HLTF: variants seen among roughly 807,000 people sequenced by gnomAD.
HLTF encodes helicase like transcription factor.
A neutral mutation model predicts 129.4 loss-of-function variants in HLTF; 127 were observed. The observed-to-expected ratio is 0.98, with a 90% CI of 0.85 to 1.14. HLTF has a LOEUF of 1.14. Ranked by LOEUF, HLTF falls within the 50% of genes most tolerant of loss-of-function variation. HLTF has a pLI of 0.00. For missense variants in HLTF, 1,139 were observed against 1,187.1 expected (o/e 0.96, Z 0.60); for synonymous variants, 332 against 388.8 (o/e 0.85, Z 1.72).
At chr3:149,037,275 C>G (rs1278694562) in intron 23 of HLTF, among the ~76,000 whole-genome samples, 4 of 151,892 alleles carry the variant, frequency 2.6e-5, no homozygotes, top group Non-Finnish European at 5.9e-5. Flanking sequence ...TCAAGACCAG[C>G]CTGGCCAACA....
chr3:149,059,607 T>C, intron 13 of HLTF, 111 bp downstream of exon 13: 1 of 648,574 alleles, frequency 1.5e-6, no homozygotes, highest in Non-Finnish European at 2.7e-6. Context: ...TAAAAAATAG[T>C]CTCTATTTTC....
In HLTF at chr3:149,055,347, T is replaced by C. The variant is rs774330706; in HGVS notation, c.1429A>G (p.Thr477Ala). 5 of 1,613,920 alleles carry C rather than the reference T, an allele frequency of 3.1e-6. No individual in the cohort carries two copies. The African/African-American group carries it at 4.0e-5, about 13-fold the overall frequency. ...GAAAGCGGACAGATGATCAGTGTTG[T>C]TCTTGGTCTCTCCTCAACATCAGTT... ...KKTDVEERPR[T>A]TLIICPLSVL... Residue 477 changes from threonine (T) to alanine (A), a missense_variant, in exon 14 of 25, where the codon ACA becomes GCA. Physicochemically the swap from Thr to Ala is moderately conservative, Grantham distance 58. Coordinates refer to ENST00000310053, the MANE Select transcript of HLTF (RefSeq NM_003071.4).
Position 149,048,953 on chromosome 3 carries a change from G to A in HLTF, c.1666C>T (p.Leu556=). 1 of 1,609,460 alleles carries A rather than the reference G, an allele frequency of 6.2e-7. No homozygotes were observed. The highest frequency in any genetic ancestry group is 1.1e-5 in the South Asian group (1 of 90,984). The change falls in exon 16 of 25, where the codon CTG becomes TTG. Residue 556 remains leucine, a synonymous_variant. Transcript: ENST00000310053. ...LHSIRWLRVI[L]DEGHAIRNPN... is the part of the protein sequence containing the mutation. Reference sequence around the variant, plus strand: ...TTTCGTATGGCATGTCCTTCATCCAGGATCACTCTTAGCCACCTTATGCTA... The same window carrying A: ...TTTCGTATGGCATGTCCTTCATCCAAGATCACTCTTAGCCACCTTATGCTA...
intron 19 of HLTF, 167 bp from the exon 20 acceptor site, chr3:149,041,835 C>A (rs1576579009): frequency 1.3e-5 from 8 of 608,118 alleles, no homozygotes; most frequent in Non-Finnish European, 2.3e-5. Flanking sequence ...CATTCAGAAG[C>A]CAAAATAGTA....
At chr3:149,039,981 T>TTA in intron 21 of HLTF, 50 bp downstream of exon 21, 1 of 1,512,024 alleles carries the variant, frequency 6.6e-7, no homozygotes, top group Non-Finnish European at 9.0e-7. Flanking sequence ...GTATATTTCC[T>TTA]TATATAAAGG....
chr3:149,074,563 T>A (rs529017081), intron 3 of HLTF, among the ~76,000 whole-genome samples: 6 of 151,530 alleles, frequency 4.0e-5, no homozygotes, highest in African/African-American at 9.7e-5. Context: ...CCAGAAAAAA[T>A]TGAGAAAATG....
intron 24 of HLTF, among the ~76,000 whole-genome samples, chr3:149,032,586 A>T (rs1209005557): frequency 1.3e-5 from 2 of 152,194 alleles, no homozygotes; most frequent in East Asian, 3.8e-4. Flanking sequence ...GAAGTTACAG[A>T]TCACAAGATA....
chr3:149,079,372 C>CT (rs1386661943), intron 2 of HLTF, among the ~76,000 whole-genome samples: 3 of 9,076 alleles, frequency 3.3e-4, no homozygotes, highest in East Asian at 6.4e-3. Context: ...ACGACAGTTT[C>CT]TAAAAAAAAA....
rs112127156 is a variant in HLTF, at chr3:149,042,991, T to C, written c.2073-701A>G. Among the ~76,000 whole-genome samples, 110 of 151,882 alleles carry C rather than the reference T, an allele frequency of 7.2e-4. 1 individual carries two copies. The highest frequency in any genetic ancestry group is 2.6e-3 in the African/African-American group (106 of 41,450). ...GCAGAGAGCAAAGGTAGGGGACACA[T>C]GGCAGTGAAAGAAAACTCAGCAGAA... On this transcript the variant is annotated intron_variant, in intron 18 of 24. Transcript: ENST00000310053.
At chr3:149,034,558 A>G (rs1289600127) in intron 24 of HLTF, among the ~76,000 whole-genome samples, 1 of 152,200 alleles carries the variant, frequency 6.6e-6, no homozygotes, top group African/African-American at 2.4e-5. Context: ...TAAACTGTAT[A>G]CTTCAAAATG....
rs753425236 is a variant in HLTF, at chr3:149,039,220, T to A, written c.2625A>T (p.Gly875=). 5 of 1,557,930 alleles carry A rather than the reference T, an allele frequency of 3.2e-6. No homozygotes were observed. In the East Asian group the frequency reaches 1.2e-4, roughly 36 times the overall value. Residue 875 remains glycine (G), a synonymous_variant, in exon 23 of 25, where the codon GGA becomes GGT. Coordinates refer to ENST00000310053, the MANE Select transcript of HLTF (RefSeq NM_003071.4). ...SLIEIPLKAS[G]FVFTRLDGSM... Reference sequence around the variant, plus strand: ...AACCATCCAAACGAGTAAACACAAATCCAGAGGCTCTAAAGGGGGGAAGAA... The same window carrying A: ...AACCATCCAAACGAGTAAACACAAAACCAGAGGCTCTAAAGGGGGGAAGAA...
rs561426745 is a variant in HLTF at position 149,050,260 on chromosome 3, G to A, written c.1589C>T (p.Thr530Met). 7.6e-6 allele frequency: 12 copies of A among 1,588,922 alleles called. No individual in the cohort carries two copies. Among genetic ancestry groups the A allele is most frequent in the African/African-American group, 2.7e-5 (2 of 74,314 alleles). ...ATAGTCATGAGTTAAAATATTATAC[G>A]TAGTCAAAACAATATCCTGTTTTGA... ...LLSKQDIVLT[T>M]YNILTHDYGT... The change falls in exon 15 of 25, where the codon ACG becomes ATG. Residue 530 changes from threonine to methionine, a missense_variant. Coordinates refer to ENST00000310053, the MANE Select transcript of HLTF (RefSeq NM_003071.4).
rs2107960376 is a variant in HLTF at position 149,039,228 on chromosome 3, C to T, written c.2617G>A (p.Ala873Thr). 8 of 1,527,492 alleles carry T rather than the reference C, an allele frequency of 5.2e-6. No individual in the cohort carries two copies. Among genetic ancestry groups the T allele is most frequent in the Middle Eastern group, 1.8e-4 (1 of 5,710 alleles). 94.6% of individuals were successfully genotyped at this position (1,527,492 alleles called of 1,614,324 possible). A position where few individuals can be genotyped will look rare whatever the true frequency, so the allele number is the denominator to read the frequency against. Reference sequence around the variant, plus strand: ...AAACGAGTAAACACAAATCCAGAGGCTCTAAAGGGGGGAAGAAAAGAGACA... The same window carrying T: ...AAACGAGTAAACACAAATCCAGAGGTTCTAAAGGGGGGAAGAAAAGAGACA... Reference protein sequence around the residue: ...FLSLIEIPLKASGFVFTRLDG... With the variant: ...FLSLIEIPLKTSGFVFTRLDG... The change falls in exon 23 of 25, where the codon GCC becomes ACC. Residue 873 changes from alanine (A) to threonine (T), a missense_variant and splice_region_variant. Physicochemically the swap from Ala to Thr is moderately conservative, Grantham distance 58. Transcript: ENST00000310053.
At chr3:149,072,805 T>C (rs1281123654) in intron 5 of HLTF, among the ~76,000 whole-genome samples, 1 of 152,218 alleles carries the variant, frequency 6.6e-6, no homozygotes, top group African/African-American at 2.4e-5. Flanking sequence ...TCAAAGAAAT[T>C]CAGCATAACT....
chr3:149,050,922 A>T (rs1052894214), intron 14 of HLTF, among the ~76,000 whole-genome samples: 23 of 152,078 alleles, frequency 1.5e-4, no homozygotes, highest in African/African-American at 5.6e-4. Context: ...ACTTATTATT[A>T]TTTTTTTAAT....
Position 149,046,156 on chromosome 3 carries a change from G to A in HLTF, c.1996C>T (p.Gln666Ter), listed in dbSNP as rs1716533082. The change falls in exon 18 of 25, where the codon CAG (glutamine) becomes TAG (stop). Residue 666 changes from glutamine to a stop codon, truncating the protein, a stop_gained. Transcript: ENST00000310053. LOFTEE classifies it high-confidence loss of function. Reference sequence around the variant, plus strand: ...TCTTCATCTGAAAGTGTAATGTGCTGAATAAATACTTTACGTTCTGGTAAC... The same window carrying A: ...TCTTCATCTGAAAGTGTAATGTGCTAAATAAATACTTTACGTTCTGGTAAC... ...LELPERKVFIQHITLSDEERK... is the reference protein window; with the variant it reads ...LELPERKVFI 9 of 1,609,606 alleles carry A rather than the reference G, an allele frequency of 5.6e-6. No individual in the cohort carries two copies. Among genetic ancestry groups the A allele is most frequent in the Non-Finnish European group, 7.6e-6 (9 of 1,177,004 alleles).
chr3:149,035,181 G>C (rs1715464547), intron 23 of HLTF, among the ~76,000 whole-genome samples, 183 bp from the exon 24 acceptor site: 1 of 152,072 alleles, frequency 6.6e-6, no homozygotes, highest in South Asian at 2.1e-4. Context: ...TATGATGATA[G>C]GCATCCTCCC....
chr3:149,041,851 C>T, intron 19 of HLTF, 183 bp from the exon 20 acceptor site: 1 of 597,420 alleles, frequency 1.7e-6, no homozygotes, highest in Non-Finnish European at 3.0e-6. Flanking sequence ...TAGTAGCCAA[C>T]TCACATAATA....
At chr3:149,034,445 T>C (rs946989232) in intron 24 of HLTF, among the ~76,000 whole-genome samples, 1 of 152,194 alleles carries the variant, frequency 6.6e-6, no homozygotes, top group African/African-American at 2.4e-5. Flanking sequence ...TGGGAAGTTA[T>C]TATTTAATGG....
Sources: gnomAD v4.1 joint callset for allele counts (sites outside exome capture counted in the v4.1 genomes callset) on GRCh38, gnomAD v4.1.1 for gene constraint, MANE v1.5 for transcripts, NCBI Gene and HGNC (gene_info 2026-07-23, HGNC 2026-07-21) for gene names.